Variants in MRPL43 observed in about 807,000 individuals in gnomAD.
MRPL43 encodes large ribosomal subunit protein mL43.
MRPL43 carries 9 observed loss-of-function variants against 12.7 expected under a neutral mutation model. The observed-to-expected ratio is 0.71, with a 90% CI of 0.43 to 1.24. The LOEUF (loss-of-function observed/expected upper bound fraction) is 1.24, where lower values mean the gene tolerates loss of function less well. MRPL43 is among the 50% of genes most tolerant of loss of function. MRPL43 has a pLI of 0.00. For synonymous variants in MRPL43, 116 were observed against 96.4 expected, an observed-to-expected ratio of 1.20 and a Z score of -1.19; for missense variants, 211 against 229.2, an observed-to-expected ratio of 0.92 and a Z score of 0.51.
downstream of MRPL43, chr10:100,978,424 T>G (rs747527577): frequency 3.1e-6 from 5 of 1,605,048 alleles, no homozygotes; most frequent in Non-Finnish European, 4.3e-6. Context: ...AGACATGGTA[T>G]TTTTAGGATG....
At chr10:100,987,013 G>C in intron 2 of MRPL43, 38 bp from the exon 3 acceptor site, 1 of 1,605,158 alleles carries the variant, frequency 6.2e-7, no homozygotes, top group Non-Finnish European at 8.5e-7. Context: ...GAAGCTGGCC[G>C]GTGCGACCAA....
chr10:100,980,078 G>C (rs937888463), downstream of MRPL43: 1 of 1,612,952 alleles, frequency 6.2e-7, no homozygotes, highest in South Asian at 1.1e-5. Context: ...AGGGCAGGCA[G>C]GTGGTGGAGT....
At chr10:100,978,911 G>A, downstream of MRPL43, 1 of 1,614,212 alleles carries the variant, frequency 6.2e-7, no homozygotes, top group Non-Finnish European at 8.5e-7. Context: ...GGGTGATGAT[G>A]ACAAGGTGTA....
chr10:100,983,789 G>C (rs1354773723), downstream of MRPL43: 1 of 1,607,118 alleles, frequency 6.2e-7, no homozygotes, highest in Non-Finnish European at 8.5e-7. Context: ...GATCTGCGGT[G>C]CAACTGCAGA....
In MRPL43 at chr10:100,986,274, T is replaced by C. The variant is rs1353352452; in HGVS notation, c.*460A>G. ...ACACATTTTGAAGACAGACCTGAAA[T>C]GTGACCTTGGATAAGTTTATTAACC... On this transcript the variant is annotated 3_prime_UTR_variant, in exon 3 of 3. Coordinates refer to ENST00000318364, the MANE Select transcript of MRPL43 (RefSeq NM_032112.3). 2.9e-6 allele frequency: 4 copies of C among 1,362,634 alleles called. No individual in the cohort carries two copies. The highest frequency in any genetic ancestry group is 9.4e-7 in the Non-Finnish European group (1 of 1,061,686). The allele number at this position is 1,362,634 out of a possible 1,614,324, so 84.4% of individuals were successfully genotyped here.
chr10:100,979,874 G>A (rs1201341797), downstream of MRPL43: 1 of 1,613,946 alleles, frequency 6.2e-7, no homozygotes, highest in Non-Finnish European at 8.5e-7. Flanking sequence ...TCAGCCATCT[G>A]CCGCTATGAC....
downstream of MRPL43, chr10:100,984,483 C>T: frequency 6.5e-7 from 1 of 1,531,738 alleles, no homozygotes; most frequent in Non-Finnish European, 8.7e-7. Context: ...CTTTCTCTTT[C>T]TCCCAGGCAG....
downstream of MRPL43, chr10:100,985,246 C>G: frequency 4.6e-6 from 1 of 217,274 alleles, no homozygotes. Context: ...AGGGCAGAGG[C>G]TGGGAGTTTG....
At position 100,987,116 on chromosome 10, in the gene MRPL43, C is replaced by G. The variant is rs1253294213; in HGVS notation, c.212G>C (p.Cys71Ser). Reference protein sequence around the residue: ...VVIYVNSRPCCVPRVVAEYLN... With the variant: ...VVIYVNSRPCSVPRVVAEYLN... ...GTATTCGGCCACTACTCTGGGCACG[C>G]AGCACGGACGCGAGTTTACATATAT... The change falls in exon 2 of 3, where the codon TGC becomes TCC. Residue 71 changes from cysteine (C) to serine (S), a missense_variant. Coordinates refer to ENST00000318364, the MANE Select transcript of MRPL43 (RefSeq NM_032112.3). 1 of 1,613,712 alleles carries G rather than the reference C, an allele frequency of 6.2e-7. No homozygotes were observed. The highest frequency in any genetic ancestry group is 8.5e-7 in the Non-Finnish European group (1 of 1,180,054).
downstream of MRPL43, chr10:100,978,607 A>C: frequency 6.2e-7 from 1 of 1,614,114 alleles, no homozygotes. Flanking sequence ...ACACTCCCTG[A>C]GAACTGAGGA....
rs62626268 is a variant in MRPL43 at position 100,986,980 on chromosome 10, C to T, written c.239-5G>A. On this transcript the variant is annotated splice_region_variant and splice_polypyrimidine_tract_variant and intron_variant, in intron 2 of 2. Transcript: ENST00000318364. ...CCTCGCGCACAGCCCCGTTAACTGG[C>T]AGAAGAGGGGTGAGAGTGGGTGGAA... is the stretch of plus-strand genomic sequence containing the variant. 4,024 of 1,605,982 alleles carry T rather than the reference C, an allele frequency of 2.5e-3. 18 individuals carry two copies. Among genetic ancestry groups the T allele is most frequent in the Non-Finnish European group, 2.6e-3 (3,059 of 1,179,826 alleles).
chr10:100,978,123 G>T, downstream of MRPL43: 1 of 600,176 alleles, frequency 1.7e-6, no homozygotes, highest in Non-Finnish European at 3.0e-6. Flanking sequence ...ACATTGTTTT[G>T]AGGCCATAAG....
At chr10:100,978,365 G>A (rs201619012), downstream of MRPL43, 92 of 1,613,418 alleles carry the variant, frequency 5.7e-5, no homozygotes, top group Admixed American at 6.7e-4. Context: ...GACCCAGCCC[G>A]TGGCTTCACA....
downstream of MRPL43, chr10:100,983,272 G>A (rs762707018): frequency 9.3e-5 from 139 of 1,490,860 alleles, no homozygotes; most frequent in Non-Finnish European, 1.2e-4. Flanking sequence ...TCCTGGGACG[G>A]GCTGGTACTG....
chr10:100,979,889 C>G, downstream of MRPL43: 1 of 1,614,066 alleles, frequency 6.2e-7, no homozygotes, highest in Non-Finnish European at 8.5e-7. Flanking sequence ...TATGACCTGG[C>G]AGAGATCCAG....
At chr10:100,981,856 G>A (rs1851094967), downstream of MRPL43, among the ~76,000 whole-genome samples, 1 of 152,036 alleles carries the variant, frequency 6.6e-6, no homozygotes, top group Non-Finnish European at 1.5e-5. Context: ...TCAGGAATTG[G>A]AGACCAGCCT....
downstream of MRPL43, among the ~76,000 whole-genome samples, chr10:100,982,039 C>G (rs994346093): frequency 7.4e-6 from 1 of 134,984 alleles, no homozygotes. Flanking sequence ...GCCTGGATAA[C>G]AGAGTGAGAC....
Position 100,986,614 on chromosome 10 carries a change from C to T in MRPL43, c.*120G>A. On this transcript the variant is annotated 3_prime_UTR_variant, in exon 3 of 3. Transcript: ENST00000318364. Reference sequence around the variant, plus strand: ...AGCTCTTCATTATCCCAAGCAGAACCTCTGTCAACTTGCCCATTGATGGGT... The same window carrying T: ...AGCTCTTCATTATCCCAAGCAGAACTTCTGTCAACTTGCCCATTGATGGGT... 6.2e-7 allele frequency: 1 copy of T among 1,612,864 alleles called. No individual in the cohort carries two copies.
Position 100,986,900 on chromosome 10 carries a change from G to C in MRPL43, c.314C>G (p.Ala105Gly). 1 of 1,612,198 alleles carries C rather than the reference G, an allele frequency of 6.2e-7. No individual in the cohort carries two copies. The change falls in exon 3 of 3, where the codon GCC becomes GGC. Residue 105 changes from alanine to glycine, a missense_variant. By Grantham distance (60) the Ala-to-Gly change is moderately conservative (BLOSUM62 0). Transcript: ENST00000318364. Reference sequence around the variant, plus strand: ...GATCACGTCCAAGCCCGACTGGTCGGCCAGCTTCTGCACCAGCGTCGAGAT... The same window carrying C: ...GATCACGTCCAAGCCCGACTGGTCGCCCAGCTTCTGCACCAGCGTCGAGAT... ...EEISTLVQKL[A>G]DQSGLDVIRI...
Sources: allele counts gnomAD v4.1 joint callset (sites outside exome capture counted in the v4.1 genomes callset), GRCh38; gene constraint gnomAD v4.1.1; transcripts MANE v1.5; gene names NCBI Gene and HGNC (gene_info 2026-07-23, HGNC 2026-07-21).